The following PCDH15 variants were observed in gnomAD, a reference collection of about 807,000 sequenced individuals.
The protein encoded by PCDH15 is protocadherin-15.
In PCDH15, 129 loss-of-function variants were observed where a neutral mutation model predicts 178.5. The ratio of observed to expected loss-of-function variants is 0.72; its 90% CI spans 0.63 to 0.84. The LOEUF is 0.84. PCDH15 is among the 40% of genes least tolerant of loss of function. The pLI is 0.00. For synonymous variants in PCDH15, 800 were observed against 732.0 expected, an observed-to-expected ratio of 1.09 and a Z score of -1.50; for missense variants, 2,230 against 2,099.9, an observed-to-expected ratio of 1.06 and a Z score of -1.21.
rs145011716 is a variant in PCDH15 at position 54,236,834 on chromosome 10, G to A, written c.974C>T (p.Ser325Phe). Residue 325 changes from serine (S) to phenylalanine (F), a missense_variant, in exon 9 of 38, where the codon TCC becomes TTC. By Grantham distance (155) the Ser-to-Phe change is radical. Transcript: ENST00000644397. The part of the protein sequence containing the change: ...PPSDRPGILY[S>F]ILVGTPEDYP... Reference sequence around the variant, plus strand: ...TATCAGATACAAACCAACAAGGATGGAATAGAGGATTCCTGGCCTATCTGA... The same window carrying A: ...TATCAGATACAAACCAACAAGGATGAAATAGAGGATTCCTGGCCTATCTGA... 23 of 1,611,306 alleles carry A rather than the reference G, an allele frequency of 1.4e-5. No homozygotes were observed. The South Asian group carries it at 2.3e-4, about 16-fold the overall frequency.
At chr10:54,322,312 C>T (rs529605219) in intron 7 of PCDH15, among the ~76,000 whole-genome samples, 22 of 151,874 alleles carry the variant, frequency 1.4e-4, no homozygotes, top group South Asian at 1.2e-3. Context: ...AGAAGATCTC[C>T]TTTCTTCCCT....
chr10:54,783,206 CA>C (rs1418723834), intron 1 of PCDH15, among the ~76,000 whole-genome samples: 1 of 151,684 alleles, frequency 6.6e-6, no homozygotes, highest in Non-Finnish European at 1.5e-5. Context: ...CAAGAAAACA[CA>C]GAAAAAATGT....
At chr10:54,434,029 A>T (rs954849475) in intron 3 of PCDH15, among the ~76,000 whole-genome samples, 1 of 152,160 alleles carries the variant, frequency 6.6e-6, no homozygotes, top group African/African-American at 2.4e-5. Context: ...CATCTTGTGT[A>T]GCCCTAGGCT....
intron 13 of PCDH15, among the ~76,000 whole-genome samples, chr10:54,158,222 C>T (rs72797070): frequency 0.029 from 4,474 of 152,186 alleles, 84 homozygotes; most frequent in Middle Eastern, 0.082. Flanking sequence ...TAGACATACC[C>T]GAGACTGGGC....
At chr10:55,378,893 C>CTA (rs1837462937) in intron 2 of PCDH15, among the ~76,000 whole-genome samples, 1 of 151,432 alleles carries the variant, frequency 6.6e-6, no homozygotes, top group Non-Finnish European at 1.5e-5. Flanking sequence ...CTCTCTCTCT[C>CTA]TCTCTCTCTC....
chr10:54,344,700 C>T (rs1258752104), intron 6 of PCDH15, among the ~76,000 whole-genome samples: 3 of 151,752 alleles, frequency 2.0e-5, no homozygotes, highest in African/African-American at 4.8e-5. Flanking sequence ...TAAATGGTTT[C>T]AAAATCGAAT....
chr10:54,823,918 C>T (rs1323290827), intron 3 of PCDH15, among the ~76,000 whole-genome samples: 1 of 152,124 alleles, frequency 6.6e-6, no homozygotes, highest in African/African-American at 2.4e-5. Context: ...TTCTTTCCTG[C>T]ACTCCCAAGG....
rs185621550 is a variant in PCDH15, at chr10:54,274,395, A to C, written c.877-37464T>G. Among the ~76,000 whole-genome samples the C allele has an allele frequency of 6.6e-5, 10 of 152,090 alleles. No individual in the cohort carries two copies. The East Asian group carries it at 1.9e-3, about 29-fold the overall frequency. ...GTCAACATTTTACAAAGCGCTTTTC[A>C]TCTTCTACTGTGTTATAATTTATAT... On this transcript the variant is annotated intron_variant, in intron 8 of 37. Coordinates refer to ENST00000644397, the MANE Select transcript of PCDH15 (RefSeq NM_001384140.1).
intron 11 of PCDH15, among the ~76,000 whole-genome samples, chr10:54,186,238 G>A (rs1389430321): frequency 1.3e-5 from 2 of 151,976 alleles, no homozygotes; most frequent in African/African-American, 4.8e-5. Flanking sequence ...ATCTTTTAAA[G>A]TATGCATAGC....
At chr10:54,118,271 C>T (rs2095150575) in intron 15 of PCDH15, among the ~76,000 whole-genome samples, 1 of 152,104 alleles carries the variant, frequency 6.6e-6, no homozygotes, top group Non-Finnish European at 1.5e-5. Context: ...TGACAAAGTA[C>T]ACAAAAATAG....
chr10:54,463,680 G>T (rs1052119011), intron 3 of PCDH15, among the ~76,000 whole-genome samples: 2 of 152,028 alleles, frequency 1.3e-5, no homozygotes, highest in African/African-American at 4.8e-5. Flanking sequence ...GACCCTCAAG[G>T]TCAGGGATTA....
intron 3 of PCDH15, among the ~76,000 whole-genome samples, chr10:54,836,705 CA>C (rs1267191957): frequency 4.6e-5 from 7 of 151,582 alleles, no homozygotes; most frequent in Non-Finnish European, 8.8e-5. Context: ...TAAATCAATT[CA>C]AAAAAGATAA....
intron 3 of PCDH15, among the ~76,000 whole-genome samples, chr10:54,809,056 T>C (rs892935251): frequency 2.0e-5 from 3 of 152,086 alleles, no homozygotes; most frequent in Admixed American, 6.6e-5. Context: ...TGTGTGGCCA[T>C]AGTAAGAGAG....
At chr10:55,249,150 G>A (rs371097100) in intron 1 of PCDH15, among the ~76,000 whole-genome samples, 145 of 152,212 alleles carry the variant, frequency 9.5e-4, no homozygotes, top group Non-Finnish European at 1.6e-3. Flanking sequence ...TTATAGAGGC[G>A]ACATAGTATA....
intron 11 of PCDH15, among the ~76,000 whole-genome samples, chr10:54,191,093 C>T (rs2048947484): frequency 6.6e-6 from 1 of 152,136 alleles, no homozygotes; most frequent in Non-Finnish European, 1.5e-5. Context: ...TGTTAGATAA[C>T]CTAATTCATT....
chr10:54,490,981 C>T (rs1296436046), intron 3 of PCDH15, among the ~76,000 whole-genome samples: 1 of 152,126 alleles, frequency 6.6e-6, no homozygotes, highest in Non-Finnish European at 1.5e-5. Context: ...ATTTTTAGCC[C>T]ACCCTGGCCA....
chr10:54,790,667 C>T (rs11004579), intron 1 of PCDH15, among the ~76,000 whole-genome samples: 29,956 of 151,730 alleles, frequency 0.2, 3,044 homozygotes, highest in Non-Finnish European at 0.23. Context: ...CACAGAGATA[C>T]ATGAAAAATA....
At chr10:54,338,486 G>A (rs1297516300) in intron 6 of PCDH15, among the ~76,000 whole-genome samples, 3 of 152,038 alleles carry the variant, frequency 2.0e-5, no homozygotes, top group Admixed American at 6.6e-5. Context: ...TTAAAATGTG[G>A]TTTTAACTTC....
chr10:54,613,375 T>A (rs1188512695), intron 2 of PCDH15, among the ~76,000 whole-genome samples: 1 of 151,876 alleles, frequency 6.6e-6, no homozygotes, highest in African/African-American at 2.4e-5. Flanking sequence ...TGCTGAGTCA[T>A]TGAGTTATTA....
Sources: gnomAD v4.1 joint callset for allele counts (sites outside exome capture counted in the v4.1 genomes callset) on GRCh38, gnomAD v4.1.1 for gene constraint, MANE v1.5 for transcripts, NCBI Gene and HGNC (gene_info 2026-07-23, HGNC 2026-07-21) for gene names.